Variants in TIMM22 observed in about 807,000 individuals in gnomAD.
TIMM22 encodes the protein mitochondrial import inner membrane translocase subunit Tim22.
TIMM22 carries 12 observed loss-of-function variants against 18.3 expected under a neutral mutation model. That is an observed-to-expected ratio of 0.65 (90% confidence interval 0.42 to 1.06). The LOEUF (loss-of-function observed/expected upper bound fraction) is 1.06. TIMM22 is among the 50% of genes least tolerant of loss of function. The pLI, the probability that TIMM22 is intolerant of heterozygous loss-of-function variation, is 0.00. For synonymous variants in TIMM22, 107 were observed against 98.5 expected (o/e 1.09, Z -0.51); for missense variants, 278 against 252.8 (o/e 1.10, Z -0.68).
intron 1 of TIMM22, among the ~76,000 whole-genome samples, chr17:997,864 C>T (rs2069699957): frequency 6.6e-6 from 1 of 152,194 alleles, no homozygotes; most frequent in African/African-American, 2.4e-5. Context: ...TCCGTTCATT[C>T]CCTTAAATTC....
intron 1 of TIMM22, among the ~76,000 whole-genome samples, chr17:998,191 C>A (rs1283622388): frequency 6.6e-6 from 1 of 152,186 alleles, no homozygotes; most frequent in South Asian, 2.1e-4. Context: ...TTATTAAACT[C>A]ATATTGACCA....
intron 2 of TIMM22, among the ~76,000 whole-genome samples, chr17:999,246 A>G (rs575431688): frequency 4.6e-5 from 7 of 150,876 alleles, no homozygotes; most frequent in Admixed American, 4.0e-4. Flanking sequence ...CCTTGAAGAA[A>G]TTTTGATTAC....
chr17:998,648 G>C (rs1028568522), intron 1 of TIMM22, 131 bp from the exon 2 acceptor site: 11 of 866,724 alleles, frequency 1.3e-5, no homozygotes, highest in Non-Finnish European at 1.9e-5. Context: ...CAAGTGGAGA[G>C]TTTGAGTGGC....
chr17:999,532 G>A lies in TIMM22; in HGVS notation c.456G>A (p.Trp152Ter). 2.5e-6 allele frequency: 4 copies of A among 1,613,544 alleles called. No individual in the cohort carries two copies. Among genetic ancestry groups the A allele is most frequent in the Middle Eastern group, 1.6e-4 (1 of 6,062 alleles). ...LIESYRGTSDWKNSVISGCIT... is the reference protein window; with the variant it reads ...LIESYRGTSD Reference sequence around the variant, plus strand: ...CACAGTACCGGGGAACATCAGACTGGAAGAACAGTGTCATCAGTGGCTGCA... The same window carrying A: ...CACAGTACCGGGGAACATCAGACTGAAAGAACAGTGTCATCAGTGGCTGCA... The change falls in exon 3 of 4, where the codon TGG becomes TGA. Residue 152 changes from tryptophan (W) to a stop codon, truncating the protein, a stop_gained. Coordinates refer to ENST00000327158, the MANE Select transcript of TIMM22 (RefSeq NM_013337.4). LOFTEE classifies it high-confidence loss of function.
rs2069753262 is a variant in TIMM22, at chr17:1,001,824, CAAG to C, written c.*740_*742del. 6.6e-6 allele frequency: 1 copy of C among 152,172 alleles called. No homozygotes were observed. The highest frequency in any genetic ancestry group is 2.4e-5 in the African/African-American group (1 of 41,442). 9.4% of individuals were successfully genotyped at this position (152,172 alleles called of 1,614,324 possible). A position where few individuals can be genotyped will look rare whatever the true frequency, so the allele number is the denominator to read the frequency against. ...TCATTACATCTGCCAGGGCCTGCCT[CAAG>C]AAGCCCAGCCCAGCCTTTTCCTGGG... On this transcript the variant is annotated 3_prime_UTR_variant, in exon 4 of 4. Transcript: ENST00000327158.
chr17:997,235 C>A lies in TIMM22; in HGVS notation c.93C>A (p.Tyr31Ter), dbSNP rs1567538357. Reference sequence around the variant, plus strand: ...TGCAGTACAGCCTGCTCCTGCAGTACCTGGTGGGTGACAAGCGTCAGCCCC... The same window carrying A: ...TGCAGTACAGCCTGCTCCTGCAGTAACTGGTGGGTGACAAGCGTCAGCCCC... ...APLQYSLLLQ[Y>*]LVGDKRQPRL... The change falls in exon 1 of 4, where the codon TAC becomes TAA. Residue 31 changes from tyrosine (Y) to a stop codon, truncating the protein, a stop_gained. Coordinates refer to ENST00000327158, the MANE Select transcript of TIMM22 (RefSeq NM_013337.4). LOFTEE classifies it high-confidence loss of function. 1.2e-6 allele frequency: 2 copies of A among 1,613,416 alleles called. No individual in the cohort carries two copies. Among genetic ancestry groups the A allele is most frequent in the African/African-American group, 2.7e-5 (2 of 75,078 alleles).
chr17:997,179 C>T lies in TIMM22; in HGVS notation c.37C>T (p.Pro13Ser), dbSNP rs774390337. The T allele has an allele frequency of 9.3e-6, 15 of 1,611,570 alleles. No individual in the cohort carries two copies. The African/African-American group carries it at 1.2e-4, about 13-fold the overall frequency. ...CGCCCCCAATGCCGGAGGCTCGGCCCCTGAGACAGCGGGTTCCGCCGAAGC... is the reference window on the plus strand; with the variant it reads ...CGCCCCCAATGCCGGAGGCTCGGCCTCTGAGACAGCGGGTTCCGCCGAAGC... The part of the protein sequence containing the change: ...AAAPNAGGSA[P>S]ETAGSAEAPL... The change falls in exon 1 of 4, where the codon CCT becomes TCT. Residue 13 changes from proline (P) to serine (S), a missense_variant. Transcript: ENST00000327158.
Position 999,596 on chromosome 17 carries a change from G to C in TIMM22, c.508+12G>C. On this transcript the variant is annotated intron_variant, in intron 3 of 3. Coordinates refer to ENST00000327158, the MANE Select transcript of TIMM22 (RefSeq NM_013337.4). Reference sequence around the variant, plus strand: ...TATTGGTTTCAGAGGTTAGTAAACGGCTCTCGAATGCTTTTTCTTTGTGGC... The same window carrying C: ...TATTGGTTTCAGAGGTTAGTAAACGCCTCTCGAATGCTTTTTCTTTGTGGC... 6.2e-7 allele frequency: 1 copy of C among 1,611,816 alleles called. No individual in the cohort carries two copies. Among genetic ancestry groups the C allele is most frequent in the Non-Finnish European group, 8.5e-7 (1 of 1,178,818 alleles).
chr17:999,443 G>C, intron 2 of TIMM22, 69 bp from the exon 3 acceptor site: 1 of 1,533,202 alleles, frequency 6.5e-7, no homozygotes, highest in Non-Finnish European at 9.0e-7. Context: ...GAGCAACCCT[G>C]TGTATTCCTC....
chr17:999,880 G>C (rs1015123066), intron 3 of TIMM22, among the ~76,000 whole-genome samples: 21 of 151,058 alleles, frequency 1.4e-4, no homozygotes, highest in Non-Finnish European at 7.4e-5. Flanking sequence ...GATGCAAGTA[G>C]CACCCCCGTC....
rs1555524997 is a variant in TIMM22, at chr17:1,000,066, A to ATTTTTATTT, written c.508+487_508+495dup. 2.7e-5 allele frequency among the ~76,000 whole-genome samples: 4 copies of ATTTTTATTT among 150,554 alleles called. No individual in the cohort carries two copies. In the East Asian group the frequency reaches 5.9e-4, roughly 22 times the overall value. On this transcript the variant is annotated intron_variant, in intron 3 of 3. Coordinates refer to ENST00000327158, the MANE Select transcript of TIMM22 (RefSeq NM_013337.4). ...AGGCACCCGCCACCATGCTCAGCTA[A>ATTTTTATTT]TTTTTATTTTTTTAGTAGAGATCAA...
intron 1 of TIMM22, among the ~76,000 whole-genome samples, chr17:997,720 G>A (rs1032194403): frequency 6.6e-6 from 1 of 152,206 alleles, no homozygotes; most frequent in Admixed American, 6.5e-5. Flanking sequence ...GGTTGAGGCA[G>A]GAGAATCGCT....
chr17:999,902 CTT>C (rs11424083), intron 3 of TIMM22, among the ~76,000 whole-genome samples: 1 of 147,790 alleles, frequency 6.8e-6, no homozygotes, highest in Non-Finnish European at 1.5e-5. Context: ...GTTGTAACAA[CTT>C]TTTTTTTTTT....
chr17:999,358 T>TATATATACATAC (rs1408779709), intron 2 of TIMM22, among the ~76,000 whole-genome samples, 154 bp from the exon 3 acceptor site: 1 of 132,588 alleles, frequency 7.5e-6, no homozygotes, highest in African/African-American at 3.2e-5. Flanking sequence ...TATATATATA[T>TATATATACATAC]ACACGCTGTA....
chr17:997,252 G>A lies in TIMM22; in HGVS notation c.110G>A (p.Arg37His), dbSNP rs1392546449. Residue 37 changes from arginine (R) to histidine (H), a missense_variant, in exon 1 of 4, where the codon CGT becomes CAT. Transcript: ENST00000327158. The part of the protein sequence containing the change: ...LLLQYLVGDK[R>H]QPRLLEPGSL... Reference sequence around the variant, plus strand: ...CTGCAGTACCTGGTGGGTGACAAGCGTCAGCCCCGGCTCCTGGAGCCTGGG... The same window carrying A: ...CTGCAGTACCTGGTGGGTGACAAGCATCAGCCCCGGCTCCTGGAGCCTGGG... 2 of 1,613,422 alleles carry A rather than the reference G, an allele frequency of 1.2e-6. No homozygotes were observed. The highest frequency in any genetic ancestry group is 8.5e-7 in the Non-Finnish European group (1 of 1,179,954).
chr17:999,985 C>T (rs2069727076), intron 3 of TIMM22, among the ~76,000 whole-genome samples: 1 of 152,240 alleles, frequency 6.6e-6, no homozygotes, highest in South Asian at 2.1e-4. Flanking sequence ...CTGCAACCTC[C>T]ACCTCCTGGG....
intron 2 of TIMM22, among the ~76,000 whole-genome samples, 189 bp from the exon 3 acceptor site, chr17:999,323 C>A (rs1057399243): frequency 4.1e-5 from 5 of 120,586 alleles, no homozygotes; most frequent in African/African-American, 1.5e-4. Flanking sequence ...TGAACGCATA[C>A]TATATATATA....
rs1276016014 is a variant in TIMM22, at chr17:997,271, G to A, written c.129G>A (p.Glu43=). Residue 43 remains glutamate, a synonymous_variant, in exon 1 of 4, where the codon GAG becomes GAA. Coordinates refer to ENST00000327158, the MANE Select transcript of TIMM22 (RefSeq NM_013337.4). The part of the protein sequence containing the change: ...VGDKRQPRLL[E]PGSLGGIPSP... ...ACAAGCGTCAGCCCCGGCTCCTGGA[G>A]CCTGGGAGCCTGGGCGGGATCCCAA... 1 of 1,613,666 alleles carries A rather than the reference G, an allele frequency of 6.2e-7. No individual in the cohort carries two copies. Among genetic ancestry groups the A allele is most frequent in the Non-Finnish European group, 8.5e-7 (1 of 1,179,952 alleles).
In TIMM22 at chr17:997,381, G is replaced by A. The variant is rs2069694141; in HGVS notation, c.238+1G>A. On this transcript the variant is annotated splice_donor_variant, in intron 1 of 3. Transcript: ENST00000327158. LOFTEE classifies it high-confidence loss of function. ...AAGGCTGCGCTGGCCTGCGTGGGAG[G>A]TGAGGCCGGGCGATGGGACCCTTGG... 1.2e-6 allele frequency: 2 copies of A among 1,611,812 alleles called. No individual in the cohort carries two copies. Among genetic ancestry groups the A allele is most frequent in the African/African-American group, 1.3e-5 (1 of 74,894 alleles).
Sources: gnomAD v4.1 joint callset for allele counts (sites outside exome capture counted in the v4.1 genomes callset) on GRCh38, gnomAD v4.1.1 for gene constraint, MANE v1.5 for transcripts, NCBI Gene and HGNC (gene_info 2026-07-23, HGNC 2026-07-21) for gene names.